The following PRKDC variants were observed in gnomAD, a reference collection of about 807,000 sequenced individuals.
The protein encoded by PRKDC is DNA-dependent protein kinase catalytic subunit.
A neutral mutation model predicts 486.9 loss-of-function variants in PRKDC; 82 were observed. The ratio of observed to expected loss-of-function variants is 0.17; its 90% confidence interval spans 0.14 to 0.20. The LOEUF (loss-of-function observed/expected upper bound fraction) is 0.20, where lower values mean the gene tolerates loss of function less well. Among genes scored for constraint, PRKDC ranks in the 10% least tolerant of loss-of-function variants. The probability of loss-of-function intolerance (pLI) is 1.00; values close to 1 mark genes in which losing one functional copy is unlikely to be tolerated. For synonymous variants in PRKDC, 1,895 were observed against 1,837.0 expected (o/e 1.03, Z -0.81); for missense variants, 4,504 against 5,038.2 (o/e 0.89, Z 3.21).
chr8:47,778,406 GTCC>G, intron 83 of PRKDC, 50 bp downstream of exon 83: 1 of 1,557,282 alleles, frequency 6.4e-7, no homozygotes, highest in Admixed American at 1.9e-5. Context: ...GTTGTTGAAA[GTCC>G]TATGATGACT....
chr8:47,957,125 C>T, intron 3 of PRKDC, 46 bp downstream of exon 3: 2 of 1,269,494 alleles, frequency 1.6e-6, no homozygotes, highest in Non-Finnish European at 2.2e-6. Context: ...TAAGTTAAAA[C>T]AGATGTTGAT....
chr8:47,803,325 C>T lies in PRKDC; in HGVS notation c.9903G>A (p.Leu3301=). ...ACTTACCCAACAAAGAGACTGTTTT[C>T]AGCACAGTGAGCACCTGCTCAGAGC... ...QGCSEQVLTV[L]KTVSLLDENN... is the part of the protein sequence containing the mutation. Residue 3301 remains leucine, a synonymous_variant, in exon 70 of 86, where the codon CTG becomes CTA. Coordinates refer to ENST00000314191, the MANE Select transcript of PRKDC (RefSeq NM_006904.7). The T allele has an allele frequency of 6.2e-7, 1 of 1,611,902 alleles. No individual in the cohort carries two copies.
chr8:47,839,240 T>C lies in PRKDC; in HGVS notation c.7461A>G (p.Pro2487=). ...GGGAGTCATTATCTGTCTCACTTTCTGGATCTCTGCTTGAGAAAACAGCAA... is the reference window on the plus strand; with the variant it reads ...GGGAGTCATTATCTGTCTCACTTTCCGGATCTCTGCTTGAGAAAACAGCAA... The part of the protein sequence containing the change: ...LMWIHDNYRD[P]ESETDNDSQE... The change falls in exon 56 of 86, where the codon CCA becomes CCG. Residue 2487 remains proline, a synonymous_variant. Coordinates refer to ENST00000314191, the MANE Select transcript of PRKDC (RefSeq NM_006904.7). 1 of 1,612,224 alleles carries C rather than the reference T, an allele frequency of 6.2e-7. No homozygotes were observed. Among genetic ancestry groups the C allele is most frequent in the Non-Finnish European group, 8.5e-7 (1 of 1,178,524 alleles).
At chr8:47,813,353 A>G (rs898412502) in intron 68 of PRKDC, among the ~76,000 whole-genome samples, 1 of 151,870 alleles carries the variant, frequency 6.6e-6, no homozygotes, top group Admixed American at 6.6e-5. Context: ...CCTGACCTCA[A>G]ATGATCCACC....
chr8:47,929,308 G>T, intron 18 of PRKDC, 130 bp from the exon 19 acceptor site: 1 of 679,984 alleles, frequency 1.5e-6, no homozygotes, highest in East Asian at 2.7e-5. Flanking sequence ...GAAGACAGGA[G>T]GCAGAATCAG....
At chr8:47,791,083 G>A (rs2086874850) in intron 74 of PRKDC, among the ~76,000 whole-genome samples, 1 of 152,168 alleles carries the variant, frequency 6.6e-6, no homozygotes, top group South Asian at 2.1e-4. Context: ...ATCACATCAA[G>A]TCAAAAAGCT....
chr8:47,780,225 CTTTCTTTATA>C (rs2086675701), intron 80 of PRKDC, among the ~76,000 whole-genome samples: 1 of 152,128 alleles, frequency 6.6e-6, no homozygotes, highest in South Asian at 2.1e-4. Context: ...AGTGCCACAT[CTTTCTTTATA>C]TTTCCAATAG....
At chr8:47,902,469 T>C in intron 27 of PRKDC, 100 bp downstream of exon 27, 1 of 804,276 alleles carries the variant, frequency 1.2e-6, no homozygotes, top group Non-Finnish European at 1.8e-6. Flanking sequence ...CATAATTACT[T>C]ACTAAATGCA....
chr8:47,788,143 A>C (rs1245870122), intron 76 of PRKDC, among the ~76,000 whole-genome samples: 5 of 152,244 alleles, frequency 3.3e-5, no homozygotes, highest in Non-Finnish European at 7.3e-5. Context: ...TGCTAAACAG[A>C]GAGATTGTAA....
chr8:47,959,764 T>A (rs1266557057), intron 1 of PRKDC, among the ~76,000 whole-genome samples: 1 of 152,174 alleles, frequency 6.6e-6, no homozygotes, highest in Non-Finnish European at 1.5e-5. Context: ...TCACCAACTT[T>A]GGCTTTAAAA....
chr8:47,870,973 G>C (rs1021798368), intron 40 of PRKDC, among the ~76,000 whole-genome samples: 2 of 152,098 alleles, frequency 1.3e-5, no homozygotes, highest in Admixed American at 1.3e-4. Context: ...TTAAAAGCAG[G>C]ACTGATTAAG....
At chr8:47,776,160 A>T (rs1243676677) in intron 85 of PRKDC, among the ~76,000 whole-genome samples, 2 of 152,116 alleles carry the variant, frequency 1.3e-5, no homozygotes, top group East Asian at 3.9e-4. Context: ...TGACTCTTAC[A>T]CTTAGCTCTC....
At chr8:47,889,979 C>T (rs1205493832) in intron 32 of PRKDC, among the ~76,000 whole-genome samples, 2 of 152,096 alleles carry the variant, frequency 1.3e-5, no homozygotes, top group East Asian at 3.9e-4. Context: ...TGCTGTATAC[C>T]ATAAATACAG....
intron 23 of PRKDC, among the ~76,000 whole-genome samples, chr8:47,915,005 T>A (rs1254703582): frequency 2.6e-5 from 4 of 152,106 alleles, no homozygotes; most frequent in Admixed American, 2.6e-4. Flanking sequence ...AAAAATATCA[T>A]AATATTAACA....
intron 68 of PRKDC, among the ~76,000 whole-genome samples, chr8:47,812,597 T>G (rs1412204992): frequency 6.6e-6 from 1 of 152,134 alleles, no homozygotes; most frequent in Non-Finnish European, 1.5e-5. Context: ...GCTAAAGCAG[T>G]ACTTTACAGG....
At chr8:47,905,310 T>C (rs935756597) in intron 25 of PRKDC, among the ~76,000 whole-genome samples, 4 of 152,170 alleles carry the variant, frequency 2.6e-5, no homozygotes, top group African/African-American at 9.7e-5. Flanking sequence ...ATTACAGGTA[T>C]GAGCCACCAT....
In PRKDC at chr8:47,862,048, A is replaced by G; in HGVS notation, c.5985+14T>C. On this transcript the variant is annotated intron_variant, in intron 44 of 85. Coordinates refer to ENST00000314191, the MANE Select transcript of PRKDC (RefSeq NM_006904.7). ...ACTTGATAAGTTTTTTTTAACATTG[A>G]AAATTTCACTCACCTCAACTTCTAC... The G allele has an allele frequency of 6.5e-7, 1 of 1,536,900 alleles. No individual in the cohort carries two copies.
intron 58 of PRKDC, among the ~76,000 whole-genome samples, chr8:47,836,120 C>T (rs2088015353): frequency 1.3e-5 from 2 of 152,300 alleles, no homozygotes; most frequent in African/African-American, 4.8e-5. Context: ...ATCCCCATTC[C>T]TCCTCCCCAG....
At chr8:47,848,001 G>A (rs889429232) in intron 54 of PRKDC, among the ~76,000 whole-genome samples, 8 of 152,040 alleles carry the variant, frequency 5.3e-5, no homozygotes, top group Non-Finnish European at 1.2e-4. Context: ...ATATTGGCAA[G>A]GCTGCAGAGA....
Sources: gnomAD v4.1 joint callset for allele counts (sites outside exome capture counted in the v4.1 genomes callset) on GRCh38, gnomAD v4.1.1 for gene constraint, MANE v1.5 for transcripts, NCBI Gene and HGNC (gene_info 2026-07-23, HGNC 2026-07-21) for gene names.